The following TMCC2 variants were observed in gnomAD, a reference collection of about 807,000 sequenced individuals.
TMCC2 encodes the protein transmembrane and coiled-coil domains protein 2.
Under a neutral mutation model 49.4 loss-of-function variants are expected in TMCC2, and 16 were observed. The observed-to-expected ratio is 0.32, with a 90% CI of 0.22 to 0.49. The LOEUF is 0.49. Among genes scored for constraint, TMCC2 ranks in the 20% least tolerant of loss-of-function variants. The pLI is 0.99. For synonymous variants in TMCC2, 397 were observed against 434.1 expected, an observed-to-expected ratio of 0.91 and a Z score of 1.06; for missense variants, 762 against 989.8, an observed-to-expected ratio of 0.77 and a Z score of 3.09.
At chr1:205,243,323 G>A (rs1660341056) in intron 2 of TMCC2, among the ~76,000 whole-genome samples, 1 of 152,172 alleles carries the variant, frequency 6.6e-6, no homozygotes, top group Non-Finnish European at 1.5e-5. Flanking sequence ...GGCGGAGGTT[G>A]TAGTGAGCCA....
At chr1:205,257,175 CT>C (rs1301669877) in intron 2 of TMCC2, 3 of 1,232,440 alleles carry the variant, frequency 2.4e-6, no homozygotes, top group Non-Finnish European at 2.0e-6. Flanking sequence ...CAATCCGCCC[CT>C]AATCCCCAGG....
chr1:205,270,290 G>A (rs1038314470), intron 3 of TMCC2, among the ~76,000 whole-genome samples: 12 of 152,156 alleles, frequency 7.9e-5, no homozygotes, highest in Non-Finnish European at 1.5e-4. Context: ...TCAATTCAGG[G>A]ATGACATTAA....
At chr1:205,230,444 A>C (rs1157680941) in intron 1 of TMCC2, among the ~76,000 whole-genome samples, 2 of 152,068 alleles carry the variant, frequency 1.3e-5, no homozygotes, top group Non-Finnish European at 2.9e-5. Flanking sequence ...GTCACCCCCG[A>C]GTCCATCCCA....
chr1:205,228,251 G>A lies in TMCC2; in HGVS notation c.-314G>A, dbSNP rs545559958. The stretch of plus-strand genomic sequence containing the variant: ...CATGCCCTGAAGCAGAAAGTTTGGG[G>A]GCCGGGGGTTGTCTCCCTTCTCCCT... On this transcript the variant is annotated 5_prime_UTR_variant, in exon 1 of 5. Coordinates refer to ENST00000358024, the MANE Select transcript of TMCC2 (RefSeq NM_014858.4). 126 of 206,956 alleles carry A rather than the reference G, an allele frequency of 6.1e-4. No homozygotes were observed. The highest frequency in any genetic ancestry group is 2.8e-3 in the African/African-American group (124 of 43,648). 12.8% of individuals were successfully genotyped at this position (206,956 alleles called of 1,614,324 possible). A position where few individuals can be genotyped will look rare whatever the true frequency, so the allele number is the denominator to read the frequency against.
chr1:205,245,387 G>A (rs1660417689), intron 2 of TMCC2, among the ~76,000 whole-genome samples: 1 of 152,170 alleles, frequency 6.6e-6, no homozygotes, highest in Non-Finnish European at 1.5e-5. Context: ...TGAAAGAGAA[G>A]ACAGTTCAAG....
chr1:205,265,780 C>T (rs992918141), intron 2 of TMCC2, among the ~76,000 whole-genome samples: 46 of 150,888 alleles, frequency 3.0e-4, no homozygotes, highest in African/African-American at 1.1e-3. Context: ...AGGCTGGTCT[C>T]GAACCCCTGA....
At chr1:205,233,275 G>A (rs879357280) in intron 1 of TMCC2, among the ~76,000 whole-genome samples, 2 of 152,158 alleles carry the variant, frequency 1.3e-5, no homozygotes, top group Non-Finnish European at 2.9e-5. Flanking sequence ...GGAGATTTCT[G>A]AGCAGTATTA....
intron 3 of TMCC2, 27 bp downstream of exon 3, chr1:205,269,911 A>G (rs1558659844): frequency 6.3e-7 from 1 of 1,593,604 alleles, no homozygotes; most frequent in Non-Finnish European, 8.6e-7. Context: ...CCCCTCCTGC[A>G]GCCCAGCCGG....
chr1:205,253,965 A>G (rs1660764612), intron 2 of TMCC2, among the ~76,000 whole-genome samples: 1 of 152,202 alleles, frequency 6.6e-6, no homozygotes, highest in Non-Finnish European at 1.5e-5. Flanking sequence ...AGCTAGGAGA[A>G]GTGAGACTCA....
intron 1 of TMCC2, chr1:205,229,126 T>C (rs1433276189): frequency 3.5e-6 from 4 of 1,134,236 alleles, no homozygotes; most frequent in Non-Finnish European, 4.4e-6. Context: ...TTTTCCTTGC[T>C]GAGTAAGTCT....
chr1:205,229,748 AG>A, intron 1 of TMCC2: 1 of 985,510 alleles, frequency 1.0e-6, no homozygotes, highest in African/African-American at 1.7e-5. Flanking sequence ...GCCAGCAGCT[AG>A]AACCAGAAGC....
At chr1:205,230,997 T>TCC (rs57350842) in intron 1 of TMCC2, among the ~76,000 whole-genome samples, 9,712 of 41,756 alleles carry the variant, frequency 0.23, 1,612 homozygotes, top group Middle Eastern at 0.37. Context: ...CATCCCCCCA[T>TCC]CCCCCCCCCC....
chr1:205,238,784 G>C lies in TMCC2; in HGVS notation c.208-2721G>C, dbSNP rs117768286. ...TCAATTAGAAGTCGGGGGTTTCTCT[G>C]TGTGGCTTGGATGAGCCACTTAGCT... On this transcript the variant is annotated intron_variant, in intron 1 of 4. Coordinates refer to ENST00000358024, the MANE Select transcript of TMCC2 (RefSeq NM_014858.4). Among the ~76,000 whole-genome samples, 97 of 152,274 alleles carry C rather than the reference G, an allele frequency of 6.4e-4. 1 individual carries two copies. The East Asian group carries it at 0.011, about 18-fold the overall frequency.
rs1779412 is a variant in TMCC2, at chr1:205,266,611, A to T, written c.748-2339A>T. 4.1e-3 allele frequency among the ~76,000 whole-genome samples: 557 copies of T among 135,424 alleles called. 8 individuals are homozygous for T. The South Asian group carries it at 0.046, about 11-fold the overall frequency. The allele number at this position is 135,424 out of a possible 152,430, so 88.8% of individuals were successfully genotyped here. ...CTCCAAAAAAAAACAAAAAACAAAT[A>T]AAAAAAAAAAAACCGTTAATTTTGT... On this transcript the variant is annotated intron_variant, in intron 2 of 4. Transcript: ENST00000358024.
At position 205,269,028 on chromosome 1, in the gene TMCC2, C is replaced by G; in HGVS notation, c.826C>G (p.Pro276Ala). The change falls in exon 3 of 5, where the codon CCC becomes GCC. Residue 276 changes from proline to alanine, a missense_variant. Pro to Ala is a conservative substitution (Grantham distance 27). Around this residue, in one of 2 missense-constraint regions of TMCC2, gnomAD observed 440 missense variants for 636.7 expected, o/e 0.69. Transcript: ENST00000358024. ...CGACGGCCCCATCAGCCTGGACGTG[C>G]CCGATGGGGCACCGGACCCCCAGCG... ...DTDGPISLDVPDGAPDPQRTK... is the reference protein window; with the variant it reads ...DTDGPISLDVADGAPDPQRTK... The G allele has an allele frequency of 6.2e-7, 1 of 1,613,500 alleles. No individual in the cohort carries two copies. Among genetic ancestry groups the G allele is most frequent in the South Asian group, 1.1e-5 (1 of 91,086 alleles).
At chr1:205,267,984 C>T (rs1238091018) in intron 2 of TMCC2, 10 of 985,258 alleles carry the variant, frequency 1.0e-5, no homozygotes, top group Admixed American at 6.2e-5. Flanking sequence ...TCCCAATTCT[C>T]GGATACTAGG....
chr1:205,229,550 G>GC, intron 1 of TMCC2: 2 of 685,708 alleles, frequency 2.9e-6, no homozygotes, highest in East Asian at 1.5e-4. Context: ...AGGGGCGGGG[G>GC]GGGGGGGGTG....
At position 205,241,210 on chromosome 1, in the gene TMCC2, T is replaced by C. The variant is rs968294856; in HGVS notation, c.208-295T>C. Among the ~76,000 whole-genome samples the C allele has an allele frequency of 6.6e-6, 1 of 152,200 alleles. No homozygotes were observed. The highest frequency in any genetic ancestry group is 1.5e-5 in the Non-Finnish European group (1 of 68,036). The stretch of plus-strand genomic sequence containing the variant: ...CTGTGTATGCCATTAAGCCCCAGAC[T>C]GAAGCCCTGAGAGCATCATTCCTAG... On this transcript the variant is annotated intron_variant, in intron 1 of 4. Transcript: ENST00000358024. The surrounding 1 kb of genome is among the most constrained non-coding windows in gnomAD (Gnocchi z 7.3).
At chr1:205,253,868 G>T (rs1660761703) in intron 2 of TMCC2, among the ~76,000 whole-genome samples, 1 of 152,212 alleles carries the variant, frequency 6.6e-6, no homozygotes, top group African/African-American at 2.4e-5. Flanking sequence ...GGAGCTTCAG[G>T]ACCAGTCACC....
Sources: gnomAD v4.1 joint callset for allele counts (sites outside exome capture counted in the v4.1 genomes callset) on GRCh38, gnomAD v4.1.1 for gene constraint, gnomAD v4.1.1 regional missense constraint, Gnocchi (gnomAD v3.1) non-coding constraint, MANE v1.5 for transcripts, NCBI Gene and HGNC (gene_info 2026-07-23, HGNC 2026-07-21) for gene names.